Variants in CDC16 observed in about 807,000 individuals in gnomAD.
CDC16 encodes the protein cell division cycle protein 16 homolog.
In CDC16, 34 loss-of-function variants were observed where a neutral mutation model predicts 87.0. That is an observed-to-expected ratio of 0.39 (90% CI 0.30 to 0.52). The LOEUF (loss-of-function observed/expected upper bound fraction) is 0.52, where lower values mean the gene tolerates loss of function less well. Ranked by LOEUF, CDC16 falls within the 20% of genes least tolerant of loss-of-function variation. CDC16 has a pLI of 0.74. For missense variants in CDC16, 653 were observed against 751.9 expected, an observed-to-expected ratio of 0.87 and a Z score of 1.54; for synonymous variants, 263 against 260.6, an observed-to-expected ratio of 1.01 and a Z score of -0.09.
At chr13:114,256,571 A>G (rs531157657) in intron 12 of CDC16, among the ~76,000 whole-genome samples, 85 of 152,356 alleles carry the variant, frequency 5.6e-4, no homozygotes, top group African/African-American at 1.8e-3. Context: ...AGGTGGGAAA[A>G]TTGAATCAAT....
At chr13:114,271,206 C>A (rs1436472034) in intron 17 of CDC16, among the ~76,000 whole-genome samples, 1 of 152,078 alleles carries the variant, frequency 6.6e-6, no homozygotes, top group Non-Finnish European at 1.5e-5. Flanking sequence ...CAGGCGTGAG[C>A]CATCGCGCCC....
At position 114,249,005 on chromosome 13, in the gene CDC16, C is replaced by T. The variant is rs114374222; in HGVS notation, c.972-1544C>T. Among the ~76,000 whole-genome samples, 1,308 of 151,910 alleles carry T rather than the reference C, an allele frequency of 8.6e-3. 19 individuals are homozygous for T. The highest frequency in any genetic ancestry group is 0.03 in the African/African-American group (1,244 of 41,398). On this transcript the variant is annotated intron_variant, in intron 11 of 17. Transcript: ENST00000356221. ...GGGACTGGTTTCTTGATGATTCAAG[C>T]GCATTACATTTATCGTGTGCTTTTT...
At chr13:114,245,305 A>G (rs2081806572) in intron 9 of CDC16, among the ~76,000 whole-genome samples, 1 of 134,812 alleles carries the variant, frequency 7.4e-6, no homozygotes, top group South Asian at 2.7e-4. Flanking sequence ...TGGAAATCTG[A>G]TATGGTAAGA....
At chr13:114,239,658 C>G (rs2081444465) in intron 5 of CDC16, among the ~76,000 whole-genome samples, 168 bp downstream of exon 5, 1 of 152,166 alleles carries the variant, frequency 6.6e-6, no homozygotes, top group Non-Finnish European at 1.5e-5. Flanking sequence ...CATTTCTGAG[C>G]CCTTAGTTGC....
intron 11 of CDC16, among the ~76,000 whole-genome samples, chr13:114,247,488 TG>T (rs1306991267): frequency 1.3e-5 from 2 of 151,780 alleles, no homozygotes; most frequent in African/African-American, 4.8e-5. Context: ...TTTCTTCAAG[TG>T]GTTTGTTCTT....
Position 114,239,389 on chromosome 13 carries a change from G to T in CDC16, c.280G>T (p.Asp94Tyr). The change falls in exon 5 of 18, where the codon GAC becomes TAC. Residue 94 changes from aspartate (D) to tyrosine (Y), a missense_variant. Transcript: ENST00000356221. ...GCACCAGCAGGCCCTTGATGTTCTTGACATGGAAGAGCCCATCAATAAAAG... is the reference window on the plus strand; with the variant it reads ...GCACCAGCAGGCCCTTGATGTTCTTTACATGGAAGAGCCCATCAATAAAAG... ...KEHQQALDVL[D>Y]MEEPINKRLF... 1 of 1,611,870 alleles carries T rather than the reference G, an allele frequency of 6.2e-7. No individual in the cohort carries two copies. Among genetic ancestry groups the T allele is most frequent in the Non-Finnish European group, 8.5e-7 (1 of 1,178,216 alleles).
At position 114,241,878 on chromosome 13, in the gene CDC16, G is replaced by A. The variant is rs1039119182; in HGVS notation, c.382-243G>A. Among the ~76,000 whole-genome samples the A allele has an allele frequency of 4.6e-5, 7 of 152,070 alleles. No individual in the cohort carries two copies. The East Asian group carries it at 1.2e-3, about 25-fold the overall frequency. The stretch of plus-strand genomic sequence containing the variant: ...GCAGCCTAGGCAACATAGCAAGATT[G>A]TCTGTACAAAAAATTTAAAAAATTA... On this transcript the variant is annotated intron_variant, in intron 5 of 17. Transcript: ENST00000356221.
intron 12 of CDC16, among the ~76,000 whole-genome samples, chr13:114,254,287 A>C (rs2082370111): frequency 6.6e-6 from 1 of 152,162 alleles, no homozygotes; most frequent in Admixed American, 6.5e-5. Context: ...TATTGTCTAT[A>C]CATCACATCT....
intron 14 of CDC16, 23 bp from the exon 15 acceptor site, chr13:114,261,864 G>A (rs1350946326): frequency 6.4e-7 from 1 of 1,560,292 alleles, no homozygotes. Context: ...ATAACTCGTG[G>A]GCTTGATGTT....
intron 8 of CDC16, 155 bp from the exon 9 acceptor site, chr13:114,244,735 C>T (rs1335679115): frequency 2.2e-6 from 1 of 450,642 alleles, no homozygotes; most frequent in African/African-American, 2.0e-5. Flanking sequence ...ATGGCCTTAA[C>T]TGAATCAACC....
intron 13 of CDC16, among the ~76,000 whole-genome samples, chr13:114,258,621 T>C (rs1463011379): frequency 1.3e-5 from 2 of 152,196 alleles, no homozygotes; most frequent in Non-Finnish European, 2.9e-5. Flanking sequence ...CTGACTTCAA[T>C]ATTGATGAAT....
In CDC16 at chr13:114,272,185, A is replaced by G; in HGVS notation, c.1605A>G (p.Gly535=). 4.0e-6 allele frequency: 6 copies of G among 1,488,580 alleles called. No homozygotes were observed. The highest frequency in any genetic ancestry group is 5.5e-6 in the Non-Finnish European group (6 of 1,090,410). 92.2% of individuals were successfully genotyped at this position (1,488,580 alleles called of 1,614,324 possible). The change falls in exon 18 of 18, where the codon GGA becomes GGG. Residue 535 remains glycine (G), a splice_region_variant and synonymous_variant. Coordinates refer to ENST00000356221, the MANE Select transcript of CDC16 (RefSeq NM_001078645.3). ...TCTAATTATAGTATTTCTTTTTAGGAGCAGACATTAAAGACAAATTAAAAT... is the reference window on the plus strand; with the variant it reads ...TCTAATTATAGTATTTCTTTTTAGGGGCAGACATTAAAGACAAATTAAAAT... ...MYIGDSEAYI[G]ADIKDKLKCY...
intron 8 of CDC16, 21 bp from the exon 9 acceptor site, chr13:114,244,869 A>G: frequency 6.4e-7 from 1 of 1,565,992 alleles, no homozygotes; most frequent in Non-Finnish European, 8.8e-7. Context: ...GGGGGTAGTA[A>G]TGTGTCGCTT....
chr13:114,242,158 A>T lies in CDC16; in HGVS notation c.419A>T (p.Tyr140Phe), dbSNP rs199690530. The change falls in exon 6 of 18, where the codon TAT becomes TTT. Residue 140 changes from tyrosine (Y) to phenylalanine (F), a missense_variant. Physicochemically the swap from Tyr to Phe is conservative, Grantham distance 22 (BLOSUM62 3). Coordinates refer to ENST00000356221, the MANE Select transcript of CDC16 (RefSeq NM_001078645.3). ...ATCTGTCTTCTACGCGGGAAAATCT[A>T]TGATGCTCTAGATAACCGAACCCTG... is the stretch of plus-strand genomic sequence containing the variant. ...SSICLLRGKIYDALDNRTLAT... is the reference protein window; with the variant it reads ...SSICLLRGKIFDALDNRTLAT... 2.5e-6 allele frequency: 4 copies of T among 1,612,664 alleles called. No homozygotes were observed. The highest frequency in any genetic ancestry group is 1.1e-5 in the South Asian group (1 of 90,576).
chr13:114,253,515 C>A (rs1477515173), intron 12 of CDC16, among the ~76,000 whole-genome samples: 1 of 151,830 alleles, frequency 6.6e-6, no homozygotes, highest in East Asian at 1.9e-4. Flanking sequence ...TATGGTGAAA[C>A]CCCATCTCTA....
intron 15 of CDC16, 24 bp from the exon 16 acceptor site, chr13:114,262,855 C>T: frequency 6.2e-7 from 1 of 1,613,488 alleles, no homozygotes; most frequent in Non-Finnish European, 8.5e-7. Context: ...TTACTGTAGC[C>T]AATAATTGTG....
At chr13:114,257,298 A>G in intron 13 of CDC16, 68 bp downstream of exon 13, 1 of 848,086 alleles carries the variant, frequency 1.2e-6, no homozygotes, top group South Asian at 2.2e-5. Context: ...TGATCACTAG[A>G]GTTCACTGAC....
chr13:114,241,016 T>C (rs2081523362), intron 5 of CDC16, among the ~76,000 whole-genome samples: 1 of 152,258 alleles, frequency 6.6e-6, no homozygotes, highest in Non-Finnish European at 1.5e-5. Context: ...AATTTTACTT[T>C]ATGAATCTTC....
intron 3 of CDC16, 76 bp from the exon 4 acceptor site, chr13:114,238,914 A>G (rs2081396793): frequency 6.6e-7 from 1 of 1,518,142 alleles, no homozygotes; most frequent in African/African-American, 1.4e-5. Context: ...GTTCTATTTT[A>G]TGCTTATGGC....
Sources: gnomAD v4.1 joint callset for allele counts (sites outside exome capture counted in the v4.1 genomes callset) on GRCh38, gnomAD v4.1.1 for gene constraint, MANE v1.5 for transcripts, NCBI Gene and HGNC (gene_info 2026-07-23, HGNC 2026-07-21) for gene names.